UTP18: variants seen among roughly 807,000 people sequenced by gnomAD.
UTP18 encodes UTP18 small subunit processome component.
A neutral mutation model predicts 61.1 loss-of-function variants in UTP18; 36 were observed. The observed-to-expected ratio is 0.59, with a 90% confidence interval of 0.45 to 0.78. UTP18 has a LOEUF of 0.78. Among genes scored for constraint, UTP18 ranks in the 30% least tolerant of loss-of-function variants. The pLI, the probability that UTP18 is intolerant of heterozygous loss-of-function variation, is 0.00. For synonymous variants in UTP18, 282 were observed against 251.1 expected, an observed-to-expected ratio of 1.12 and a Z score of -1.16; for missense variants, 753 against 693.9, an observed-to-expected ratio of 1.09 and a Z score of -0.96.
chr17:51,277,134 A>G lies in UTP18; in HGVS notation c.842A>G (p.Asp281Gly), dbSNP rs754246254. The G allele has an allele frequency of 1.9e-5, 31 of 1,613,794 alleles. No individual in the cohort carries two copies. The Admixed American group carries it at 5.2e-4, about 27-fold the overall frequency. Residue 281 changes from aspartate (D) to glycine (G), a missense_variant, in exon 7 of 14, where the codon GAT (aspartate) becomes GGT (glycine). Transcript: ENST00000225298. ...LDNAVSLFQV[D>G]GKTNPKIQSI... ...CCATTTTGTACTTCTTTATAGGTTGATGGGAAAACAAATCCTAAAATTCAG... is the reference window on the plus strand; with the variant it reads ...CCATTTTGTACTTCTTTATAGGTTGGTGGGAAAACAAATCCTAAAATTCAG...
intron 4 of UTP18, among the ~76,000 whole-genome samples, chr17:51,270,594 G>A (rs1184285786): frequency 6.6e-6 from 1 of 152,170 alleles, no homozygotes; most frequent in Non-Finnish European, 1.5e-5. Flanking sequence ...TTACTTTAGG[G>A]ACCCAAGTTT....
At chr17:51,282,082 A>G (rs914260038) in intron 9 of UTP18, among the ~76,000 whole-genome samples, 1 of 152,202 alleles carries the variant, frequency 6.6e-6, no homozygotes, top group Non-Finnish European at 1.5e-5. Context: ...CCAAAGGACC[A>G]TGGGGGCCAT....
intron 2 of UTP18, among the ~76,000 whole-genome samples, chr17:51,264,153 C>T (rs1261744219): frequency 1.3e-5 from 2 of 151,970 alleles, no homozygotes; most frequent in African/African-American, 4.8e-5. Flanking sequence ...TCTCCTGCCT[C>T]AGCCTCCCGA....
rs950316636 is a variant in UTP18 at position 51,268,731 on chromosome 17, C to T, written c.555-106C>T. 6 of 842,310 alleles carry T rather than the reference C, an allele frequency of 7.1e-6. No homozygotes were observed. The African/African-American group carries it at 8.5e-5, about 12-fold the overall frequency. The allele number at this position is 842,310 out of a possible 1,614,324, so 52.2% of individuals were successfully genotyped here. Reference sequence around the variant, plus strand: ...GATAGTTACTTCTTTGGAAGAGAGTCCATACGTATTCTCAAGGGTGATTCA... The same window carrying T: ...GATAGTTACTTCTTTGGAAGAGAGTTCATACGTATTCTCAAGGGTGATTCA... On this transcript the variant is annotated intron_variant, in intron 3 of 13. Transcript: ENST00000225298.
intron 7 of UTP18, 103 bp downstream of exon 7, chr17:51,277,407 A>G: frequency 1.5e-6 from 2 of 1,315,794 alleles, no homozygotes; most frequent in African/African-American, 1.5e-5. Context: ...TCTTAAAAAT[A>G]AGAGTTTCTT....
At chr17:51,285,171 TGA>T in intron 9 of UTP18, 72 bp from the exon 10 acceptor site, 1 of 1,563,308 alleles carries the variant, frequency 6.4e-7, no homozygotes, top group Non-Finnish European at 8.8e-7. Flanking sequence ...TAAGAGGGAC[TGA>T]GAGTGGCCAG....
At chr17:51,277,693 T>C (rs1904778013) in intron 7 of UTP18, among the ~76,000 whole-genome samples, 1 of 152,222 alleles carries the variant, frequency 6.6e-6, no homozygotes, top group African/African-American at 2.4e-5. Context: ...CTCTGTAGTT[T>C]TAGTGTTAGT....
rs540608141 is a variant in UTP18, at chr17:51,289,203, T to C, written c.1503+1000T>C. Among the ~76,000 whole-genome samples, 391 of 59,634 alleles carry C rather than the reference T, an allele frequency of 6.6e-3. 2 individuals are homozygous for C. The highest frequency in any genetic ancestry group is 0.013 in the African/African-American group (359 of 28,440). The allele number at this position is 59,634 out of a possible 152,430, so 39.1% of individuals were successfully genotyped here. A position where few individuals can be genotyped will look rare whatever the true frequency, so the allele number is the denominator to read the frequency against. The stretch of plus-strand genomic sequence containing the variant: ...AGCAGACCTTTCTGTTTTTTTTGTT[T>C]TTTTTTTTTTTGAGACCAAGTCTCA... On this transcript the variant is annotated intron_variant, in intron 11 of 13. Coordinates refer to ENST00000225298, the MANE Select transcript of UTP18 (RefSeq NM_016001.3).
rs111936531 is a variant in UTP18 at position 51,265,879 on chromosome 17, G to C, written c.456-303G>C. Among the ~76,000 whole-genome samples the C allele has an allele frequency of 1.4e-4, 22 of 152,246 alleles. 1 individual carries two copies. Among genetic ancestry groups the C allele is most frequent in the African/African-American group, 5.3e-4 (22 of 41,556 alleles). On this transcript the variant is annotated intron_variant, in intron 2 of 13. Transcript: ENST00000225298. ...GCTGGGCCTAAGGTTTGCTCTTTAT[G>C]TATTTAACTCTTTGATTTACTTGGG...
intron 3 of UTP18, among the ~76,000 whole-genome samples, chr17:51,266,657 A>G (rs552888440): frequency 3.9e-5 from 6 of 152,288 alleles, no homozygotes; most frequent in South Asian, 2.1e-4. Context: ...TGCTTTCCCA[A>G]TGTATTTGAG....
At chr17:51,293,652 C>T (rs1184668142) in intron 11 of UTP18, among the ~76,000 whole-genome samples, 1 of 152,114 alleles carries the variant, frequency 6.6e-6, no homozygotes, top group African/African-American at 2.4e-5. Flanking sequence ...CTTAAGAGCC[C>T]AGACTTCACC....
chr17:51,275,909 C>T lies in UTP18; in HGVS notation c.755C>T (p.Ala252Val). ...GCGAATGCTGAACGTCCTACTGTTG[C>T]TCGGATCTCATCTGTGCAGTTCCAT... is the stretch of plus-strand genomic sequence containing the variant. The part of the protein sequence containing the change: ...QHANAERPTV[A>V]RISSVQFHPG... The change falls in exon 6 of 14, where the codon GCT becomes GTT. Residue 252 changes from alanine (A) to valine (V), a missense_variant. Transcript: ENST00000225298. 6.2e-7 allele frequency: 1 copy of T among 1,611,916 alleles called. No homozygotes were observed. Among genetic ancestry groups the T allele is most frequent in the South Asian group, 1.1e-5 (1 of 90,684 alleles).
intron 4 of UTP18, 137 bp from the exon 5 acceptor site, chr17:51,273,225 A>T: frequency 2.1e-6 from 1 of 481,110 alleles, no homozygotes; most frequent in Admixed American, 4.1e-5. Flanking sequence ...TGCCAGTTGC[A>T]GCTTTAAAAA....
At chr17:51,280,337 G>A in intron 8 of UTP18, 52 bp from the exon 9 acceptor site, 1 of 1,581,200 alleles carries the variant, frequency 6.3e-7, no homozygotes, top group Non-Finnish European at 8.7e-7. Flanking sequence ...TACATTGTGT[G>A]ATTCTTCTGT....
chr17:51,269,014 C>T (rs546737012), intron 4 of UTP18, 110 bp downstream of exon 4: 111 of 1,063,406 alleles, frequency 1.0e-4, no homozygotes, highest in African/African-American at 4.3e-4. Flanking sequence ...TTGCCTGGCT[C>T]GGTAGCTCAC....
At chr17:51,268,736 C>G in intron 3 of UTP18, 101 bp from the exon 4 acceptor site, 1 of 895,716 alleles carries the variant, frequency 1.1e-6, no homozygotes, top group Non-Finnish European at 1.8e-6. Flanking sequence ...AGAGTCCATA[C>G]GTATTCTCAA....
chr17:51,295,446 T>C (rs924248216), intron 12 of UTP18, among the ~76,000 whole-genome samples: 5 of 152,252 alleles, frequency 3.3e-5, no homozygotes, highest in African/African-American at 1.2e-4. Context: ...GCACCATTTA[T>C]TAAATAGGCA....
At chr17:51,287,957 TC>T in intron 10 of UTP18, 71 bp from the exon 11 acceptor site, 2 of 1,197,484 alleles carry the variant, frequency 1.7e-6, no homozygotes, top group South Asian at 4.3e-5. Context: ...TGGGGTTAAA[TC>T]TATATTCACT....
At chr17:51,278,895 G>C (rs1351552288) in intron 7 of UTP18, among the ~76,000 whole-genome samples, 2 of 152,154 alleles carry the variant, frequency 1.3e-5, no homozygotes, top group Non-Finnish European at 2.9e-5. Flanking sequence ...GTATGTGTCT[G>C]AAATAATATT....
Sources: allele counts gnomAD v4.1 joint callset (sites outside exome capture counted in the v4.1 genomes callset), GRCh38; gene constraint gnomAD v4.1.1; transcripts MANE v1.5; gene names NCBI Gene and HGNC (gene_info 2026-07-23, HGNC 2026-07-21).